The following ARMH3 variants were observed in gnomAD, a reference collection of about 807,000 sequenced individuals.
ARMH3 encodes the protein armadillo like helical domain containing 3.
ARMH3 carries 60 observed loss-of-function variants against 99.1 expected under a neutral mutation model. The observed-to-expected ratio is 0.61, with a 90% CI of 0.49 to 0.75. ARMH3 has a LOEUF of 0.75. Among genes scored for constraint, ARMH3 ranks in the 30% least tolerant of loss-of-function variants. The pLI is 0.00. For missense variants in ARMH3, 679 were observed against 843.1 expected (o/e 0.81, Z 2.41); for synonymous variants, 285 against 292.8 (o/e 0.97, Z 0.27).
intron 2 of ARMH3, among the ~76,000 whole-genome samples, chr10:102,039,691 T>C (rs936327229): frequency 6.6e-6 from 1 of 152,226 alleles, no homozygotes; most frequent in Admixed American, 6.5e-5. Flanking sequence ...AAGATAGCCC[T>C]AAGTTAGAGC....
chr10:101,889,014 G>A (rs1022149890), intron 24 of ARMH3, among the ~76,000 whole-genome samples: 3 of 152,116 alleles, frequency 2.0e-5, no homozygotes, highest in Non-Finnish European at 2.9e-5. Context: ...ATGTTTTAAC[G>A]AGCCAAATAG....
At chr10:101,998,627 A>G (rs1050695278) in intron 15 of ARMH3, among the ~76,000 whole-genome samples, 1 of 152,152 alleles carries the variant, frequency 6.6e-6, no homozygotes, top group Non-Finnish European at 1.5e-5. Context: ...TTCATTTCCC[A>G]TACTTACCTT....
chr10:101,980,377 C>A (rs919703363), intron 19 of ARMH3, among the ~76,000 whole-genome samples: 1 of 152,158 alleles, frequency 6.6e-6, no homozygotes, highest in Admixed American at 6.5e-5. Flanking sequence ...CGGCTCACTG[C>A]AACCTCTGCC....
chr10:102,019,057 T>C (rs1015409777), intron 8 of ARMH3, among the ~76,000 whole-genome samples: 2 of 150,066 alleles, frequency 1.3e-5, no homozygotes, highest in African/African-American at 4.9e-5. Context: ...TATACTATAC[T>C]TTTTTTTTTG....
chr10:102,010,064 A>G (rs1248917551), intron 11 of ARMH3, 41 bp from the exon 12 acceptor site: 1 of 1,585,168 alleles, frequency 6.3e-7, no homozygotes, highest in Non-Finnish European at 8.7e-7. Flanking sequence ...TAGCAGGAGG[A>G]TATGAGAGGA....
chr10:101,885,195 G>C lies in ARMH3; in HGVS notation c.1860+4217C>G, dbSNP rs182031746. ...TGTGGAGAAATTGGGATGTAAAATGGTACAGCCAATCTGAGAAACAGTCTG... is the reference window on the plus strand; with the variant it reads ...TGTGGAGAAATTGGGATGTAAAATGCTACAGCCAATCTGAGAAACAGTCTG... On this transcript the variant is annotated intron_variant, in intron 24 of 25. Transcript: ENST00000370033. Among the ~76,000 whole-genome samples, 106 of 152,018 alleles carry C rather than the reference G, an allele frequency of 7.0e-4. No individual in the cohort carries two copies. In the East Asian group the frequency reaches 0.018, roughly 25 times the overall value.
intron 23 of ARMH3, among the ~76,000 whole-genome samples, chr10:101,907,385 G>GT (rs773919740): frequency 0.022 from 3,041 of 136,762 alleles, 80 homozygotes; most frequent in African/African-American, 0.063. Context: ...CTTTGTTTTT[G>GT]TTTTTTTTTT....
chr10:101,900,709 C>T (rs1175371070), intron 23 of ARMH3, among the ~76,000 whole-genome samples: 2 of 152,216 alleles, frequency 1.3e-5, no homozygotes, highest in Non-Finnish European at 2.9e-5. Context: ...TGGCTGGTCA[C>T]AGTGGCTTAT....
intron 24 of ARMH3, among the ~76,000 whole-genome samples, chr10:101,887,088 G>A (rs1294994951): frequency 6.6e-6 from 1 of 152,140 alleles, no homozygotes; most frequent in Non-Finnish European, 1.5e-5. Context: ...AACACATGCT[G>A]GAGATTAACA....
intron 8 of ARMH3, among the ~76,000 whole-genome samples, chr10:102,015,775 G>T (rs1041380593): frequency 1.3e-5 from 2 of 152,140 alleles, no homozygotes; most frequent in African/African-American, 2.4e-5. Flanking sequence ...GACGAATTAG[G>T]CACATAAAGC....
chr10:101,902,037 G>A (rs1167319660), intron 23 of ARMH3, among the ~76,000 whole-genome samples: 1 of 152,162 alleles, frequency 6.6e-6, no homozygotes, highest in Non-Finnish European at 1.5e-5. Flanking sequence ...CAGATTTGTT[G>A]AGACCTAATC....
At chr10:101,995,886 T>C (rs900157745) in intron 15 of ARMH3, among the ~76,000 whole-genome samples, 14 of 152,240 alleles carry the variant, frequency 9.2e-5, no homozygotes, top group African/African-American at 3.4e-4. Flanking sequence ...TGTGAACTCT[T>C]GATCATTTTT....
chr10:101,915,306 A>G (rs1843031598), intron 23 of ARMH3, among the ~76,000 whole-genome samples: 1 of 152,366 alleles, frequency 6.6e-6, no homozygotes, highest in Admixed American at 6.5e-5. Flanking sequence ...ACATTTGTTC[A>G]GCAAGTCACT....
At chr10:101,985,987 C>T (rs947080392) in intron 19 of ARMH3, among the ~76,000 whole-genome samples, 8 of 151,778 alleles carry the variant, frequency 5.3e-5, no homozygotes, top group African/African-American at 1.9e-4. Flanking sequence ...CACTGCACTC[C>T]AGCCTGGGCA....
At chr10:102,030,288 T>A (rs1343436430) in intron 4 of ARMH3, among the ~76,000 whole-genome samples, 1 of 152,098 alleles carries the variant, frequency 6.6e-6, no homozygotes, top group Non-Finnish European at 1.5e-5. Context: ...ACTGCTGTCA[T>A]CCTCATTTTT....
At chr10:101,882,241 A>T (rs1297733783) in intron 24 of ARMH3, among the ~76,000 whole-genome samples, 1 of 152,236 alleles carries the variant, frequency 6.6e-6, no homozygotes, top group Non-Finnish European at 1.5e-5. Context: ...CTTAAGGAAT[A>T]AGGTGTTCAA....
chr10:101,931,354 C>G (rs1054776237), intron 23 of ARMH3, among the ~76,000 whole-genome samples: 1 of 152,130 alleles, frequency 6.6e-6, no homozygotes, highest in Non-Finnish European at 1.5e-5. Context: ...GAAACCCTGT[C>G]TCTACTAAAA....
chr10:102,041,102 T>TATATATATAATATATATATATATATA (rs2067411894), intron 1 of ARMH3, among the ~76,000 whole-genome samples: 1 of 146,508 alleles, frequency 6.8e-6, no homozygotes, highest in Non-Finnish European at 1.5e-5. Context: ...TATATATATA[T>TATATATATAATATATATATATATATA]ATATATATAT....
At chr10:102,044,528 A>G (rs1307420485) in intron 1 of ARMH3, among the ~76,000 whole-genome samples, 1 of 151,384 alleles carries the variant, frequency 6.6e-6, no homozygotes, top group Non-Finnish European at 1.5e-5. Context: ...GCGCCACCAC[A>G]CCCAGCTAAT....
Sources: allele counts gnomAD v4.1 joint callset (sites outside exome capture counted in the v4.1 genomes callset), GRCh38; gene constraint gnomAD v4.1.1; transcripts MANE v1.5; gene names NCBI Gene and HGNC (gene_info 2026-07-23, HGNC 2026-07-21).